Variants in DYNC2H1 observed in about 807,000 individuals in gnomAD.
DYNC2H1 encodes dynein cytoplasmic 2 heavy chain 1, also known as cytoplasmic dynein 2 heavy chain 1.
DYNC2H1 carries 410 observed loss-of-function variants against 570.0 expected under a neutral mutation model. That is an observed-to-expected ratio of 0.72 (90% confidence interval 0.66 to 0.78). The LOEUF (loss-of-function observed/expected upper bound fraction) is 0.78. Ranked by LOEUF, DYNC2H1 falls within the 30% of genes least tolerant of loss-of-function variation. The pLI is 0.00. For synonymous variants in DYNC2H1, 1,688 were observed against 1,677.6 expected, an observed-to-expected ratio of 1.01 and a Z score of -0.15; for missense variants, 4,865 against 5,046.4, an observed-to-expected ratio of 0.96 and a Z score of 1.09.
intron 32 of DYNC2H1, among the ~76,000 whole-genome samples, chr11:103,169,594 A>G (rs1861487220): frequency 6.6e-6 from 1 of 152,152 alleles, no homozygotes; most frequent in Non-Finnish European, 1.5e-5. Context: ...CACACTGTAA[A>G]TTGTAGCTGG....
chr11:103,234,249 A>T (rs1244800636), intron 61 of DYNC2H1, 89 bp downstream of exon 61: 7 of 1,420,326 alleles, frequency 4.9e-6, no homozygotes, highest in Non-Finnish European at 6.6e-6. Context: ...GGAGAGAAAG[A>T]TCCATTAATT....
At chr11:103,146,942 A>G (rs1317874942) in intron 18 of DYNC2H1, among the ~76,000 whole-genome samples, 5 of 152,096 alleles carry the variant, frequency 3.3e-5, no homozygotes, top group South Asian at 2.1e-4. Context: ...GTATTTTTCC[A>G]TGTTATCATC....
At chr11:103,410,911 C>T (rs752716167) in intron 84 of DYNC2H1, among the ~76,000 whole-genome samples, 11 of 152,080 alleles carry the variant, frequency 7.2e-5, no homozygotes, top group Non-Finnish European at 1.5e-4. Context: ...TGCTGTTTCC[C>T]GTGGGGGTGT....
At chr11:103,131,541 A>G (rs1859271964) in intron 13 of DYNC2H1, among the ~76,000 whole-genome samples, 1 of 151,510 alleles carries the variant, frequency 6.6e-6, no homozygotes, top group Admixed American at 6.6e-5. Flanking sequence ...CTGAAGTTCT[A>G]TGCTTCTTTG....
chr11:103,196,576 G>GAT (rs1262146290), intron 47 of DYNC2H1, among the ~76,000 whole-genome samples: 1 of 152,086 alleles, frequency 6.6e-6, no homozygotes, highest in Non-Finnish European at 1.5e-5. Context: ...ATAAATTATT[G>GAT]ATAATTTAAC....
chr11:103,138,617 G>A (rs1392273256), intron 17 of DYNC2H1, among the ~76,000 whole-genome samples: 1 of 152,206 alleles, frequency 6.6e-6, no homozygotes, highest in Non-Finnish European at 1.5e-5. Context: ...TGGTTTGCCA[G>A]TATTTTATTG....
intron 82 of DYNC2H1, among the ~76,000 whole-genome samples, chr11:103,331,159 G>A (rs1365225515): frequency 6.6e-6 from 1 of 152,174 alleles, no homozygotes; most frequent in Non-Finnish European, 1.5e-5. Flanking sequence ...GCACTGTTAA[G>A]AATTCAGCTA....
chr11:103,403,088 G>A (rs1454258426), intron 84 of DYNC2H1: 1 of 152,046 alleles, frequency 6.6e-6, no homozygotes, highest in East Asian at 1.9e-4. Flanking sequence ...AATGTTATGG[G>A]TAATTATTAT....
rs530483281 is a variant in DYNC2H1, at chr11:103,189,546, A to G, written c.7293-126A>G. On this transcript the variant is annotated intron_variant, in intron 44 of 88. Transcript: ENST00000375735. This position sits in a 1 kb window ranked among gnomAD's most constrained non-coding sequence, Gnocchi z 4.3. The stretch of plus-strand genomic sequence containing the variant: ...TGAGCCTAGTCTTAGCCCCCTGGGT[A>G]AGCTTTGGAGATATGTAGGTCTTAG... The G allele has an allele frequency of 2.5e-5, 22 of 874,244 alleles. No individual in the cohort carries two copies. The highest frequency in any genetic ancestry group is 1.9e-4 in the African/African-American group (11 of 59,056). The allele number at this position is 874,244 out of a possible 1,614,324, so 54.2% of individuals were successfully genotyped here.
At chr11:103,468,148 C>G (rs1353924845) in intron 87 of DYNC2H1, among the ~76,000 whole-genome samples, 2 of 152,164 alleles carry the variant, frequency 1.3e-5, no homozygotes. Flanking sequence ...ATATTCATAT[C>G]ACATGTCGTT....
intron 50 of DYNC2H1, among the ~76,000 whole-genome samples, chr11:103,202,801 A>C (rs78313730): frequency 6.6e-6 from 1 of 152,180 alleles, no homozygotes; most frequent in Non-Finnish European, 1.5e-5. Flanking sequence ...AATGCCTCTT[A>C]TATGCAGGAC....
chr11:103,478,406 C>G (rs1945635102), intron 88 of DYNC2H1, among the ~76,000 whole-genome samples: 1 of 152,046 alleles, frequency 6.6e-6, no homozygotes, highest in African/African-American at 2.4e-5. Context: ...TCAGTGGCCT[C>G]TAATAGCCAA....
chr11:103,191,044 T>TTTTTTTTTTTTTTTC, intron 45 of DYNC2H1, among the ~76,000 whole-genome samples: 1 of 2,978 alleles, frequency 3.4e-4, no homozygotes, highest in Non-Finnish European at 6.9e-4. Flanking sequence ...TTTCTTTTTC[T>TTTTTTTTTTTTTTTC]TTTTTTTTTT....
chr11:103,314,659 G>T (rs1300149658), intron 79 of DYNC2H1, among the ~76,000 whole-genome samples: 1 of 151,832 alleles, frequency 6.6e-6, no homozygotes, highest in Non-Finnish European at 1.5e-5. Flanking sequence ...AAAAAAAGTT[G>T]GAGAATGTCA....
chr11:103,218,764 A>G (rs1863475732), intron 55 of DYNC2H1, among the ~76,000 whole-genome samples: 1 of 152,184 alleles, frequency 6.6e-6, no homozygotes, highest in African/African-American at 2.4e-5. Flanking sequence ...TATTTCTAAG[A>G]CTGTAGCTAA....
chr11:103,209,851 T>C lies in DYNC2H1; in HGVS notation c.8455-25T>C, dbSNP rs751534028. ...ATGATATGGGACTTATACTCTTTCA[T>C]AGTGATATTCTTTTTATGTTTTAGA... On this transcript the variant is annotated intron_variant, in intron 52 of 88. Coordinates refer to ENST00000375735, the MANE Select transcript of DYNC2H1 (RefSeq NM_001377.3). This position sits in a 1 kb window ranked among gnomAD's most constrained non-coding sequence, Gnocchi z 4.2. The C allele has an allele frequency of 1.4e-6, 2 of 1,444,636 alleles. No individual in the cohort carries two copies. Among genetic ancestry groups the C allele is most frequent in the Non-Finnish European group, 1.8e-6 (2 of 1,094,516 alleles). The allele number at this position is 1,444,636 out of a possible 1,614,324, so 89.5% of individuals were successfully genotyped here.
At chr11:103,464,811 A>G (rs962671188) in intron 87 of DYNC2H1, among the ~76,000 whole-genome samples, 1 of 152,170 alleles carries the variant, frequency 6.6e-6, no homozygotes, top group East Asian at 1.9e-4. Context: ...ATATTGAAAC[A>G]TGTACTTCTG....
chr11:103,233,776 C>T (rs1864105832), intron 60 of DYNC2H1, among the ~76,000 whole-genome samples: 1 of 150,674 alleles, frequency 6.6e-6, no homozygotes, highest in Admixed American at 6.6e-5. Flanking sequence ...TTATATAATG[C>T]AGTACAGCAC....
intron 78 of DYNC2H1, among the ~76,000 whole-genome samples, chr11:103,309,356 CT>C (rs61629207): frequency 1.4e-4 from 20 of 141,412 alleles, no homozygotes; most frequent in East Asian, 2.0e-4. Context: ...TATTTCTTTT[CT>C]TTTTTTTTTT....
Sources: gnomAD v4.1 joint callset for allele counts (sites outside exome capture counted in the v4.1 genomes callset) on GRCh38, gnomAD v4.1.1 for gene constraint, Gnocchi (gnomAD v3.1) non-coding constraint, MANE v1.5 for transcripts, NCBI Gene and HGNC (gene_info 2026-07-23, HGNC 2026-07-21) for gene names.